LY86: variants seen among roughly 807,000 people sequenced by gnomAD.
LY86 encodes lymphocyte antigen 86.
A neutral mutation model predicts 17.3 loss-of-function variants in LY86; 20 were observed. The ratio of observed to expected loss-of-function variants is 1.15; its 90% confidence interval spans 0.81 to 1.68. The LOEUF is 1.68. Ranked by LOEUF, LY86 falls within the 40% of genes most tolerant of loss-of-function variation. The probability of loss-of-function intolerance (pLI) is 0.00; values close to 1 mark genes in which losing one functional copy is unlikely to be tolerated. For synonymous variants in LY86, 74 were observed against 70.6 expected (o/e 1.05, Z -0.24); for missense variants, 200 against 191.9 (o/e 1.04, Z -0.25).
At chr6:6,645,101 G>C (rs940932756) in intron 3 of LY86, among the ~76,000 whole-genome samples, 4 of 152,020 alleles carry the variant, frequency 2.6e-5, no homozygotes, top group African/African-American at 9.7e-5. Context: ...CAAAATGTTA[G>C]GTATCATTAG....
chr6:6,592,829 T>C (rs1047274330), intron 1 of LY86, among the ~76,000 whole-genome samples: 1 of 152,178 alleles, frequency 6.6e-6, no homozygotes, highest in African/African-American at 2.4e-5. Context: ...CTCTGAGAAA[T>C]CAATGTTGGC....
At chr6:6,643,764 G>A (rs1017874860) in intron 3 of LY86, among the ~76,000 whole-genome samples, 6 of 152,104 alleles carry the variant, frequency 3.9e-5, no homozygotes, top group Non-Finnish European at 8.8e-5. Flanking sequence ...AGGCACACAT[G>A]TGCACACAAA....
rs552434822 is a variant in LY86 at position 6,649,686 on chromosome 6, T to C, written c.405+9T>C. On this transcript the variant is annotated intron_variant, in intron 4 of 4. Transcript: ENST00000230568. The stretch of plus-strand genomic sequence containing the variant: ...AATTTACTATTCCTCAGGTAAGATA[T>C]TACTTACTTCTTGTATTAAATAGTT... The C allele has an allele frequency of 4.0e-6, 6 of 1,507,066 alleles. No homozygotes were observed. The highest frequency in any genetic ancestry group is 1.8e-6 in the Non-Finnish European group (2 of 1,088,324). The allele number at this position is 1,507,066 out of a possible 1,614,324, so 93.4% of individuals were successfully genotyped here.
At chr6:6,626,740 A>T (rs937141383) in intron 3 of LY86, among the ~76,000 whole-genome samples, 1 of 152,094 alleles carries the variant, frequency 6.6e-6, no homozygotes, top group Non-Finnish European at 1.5e-5. Flanking sequence ...CCAAAAATCC[A>T]TTGAGGTTCA....
intron 3 of LY86, among the ~76,000 whole-genome samples, chr6:6,633,832 A>G (rs367992310): frequency 2.6e-5 from 4 of 152,208 alleles, no homozygotes; most frequent in African/African-American, 9.7e-5. Flanking sequence ...GCAGATATCA[A>G]TTGTACACAA....
chr6:6,597,854 G>A (rs551604671), intron 1 of LY86, among the ~76,000 whole-genome samples: 2 of 152,260 alleles, frequency 1.3e-5, no homozygotes, highest in African/African-American at 2.4e-5. Flanking sequence ...GGTTCACAAG[G>A]TCTGCCTGGT....
chr6:6,602,274 A>G (rs1188534899), intron 1 of LY86, among the ~76,000 whole-genome samples: 1 of 152,248 alleles, frequency 6.6e-6, no homozygotes, highest in Non-Finnish European at 1.5e-5. Flanking sequence ...AGTTCATGCC[A>G]GTCCCATCAC....
chr6:6,610,546 G>C (rs188235670), intron 1 of LY86, among the ~76,000 whole-genome samples: 13 of 152,250 alleles, frequency 8.5e-5, no homozygotes, highest in South Asian at 6.2e-4. Context: ...GAAGCTTAGG[G>C]GGGGGCAAGG....
intron 4 of LY86, among the ~76,000 whole-genome samples, chr6:6,651,684 C>A (rs1328006847): frequency 6.6e-6 from 1 of 152,142 alleles, no homozygotes; most frequent in Non-Finnish European, 1.5e-5. Flanking sequence ...TTGTTGGCTT[C>A]TTTTTAAACC....
At chr6:6,643,652 C>A (rs1356145988) in intron 3 of LY86, among the ~76,000 whole-genome samples, 2 of 152,152 alleles carry the variant, frequency 1.3e-5, no homozygotes, top group Non-Finnish European at 2.9e-5. Context: ...CCAGTGTTCT[C>A]ACTACACACA....
rs906807555 is a variant in LY86, at chr6:6,630,658, C to A, written c.352+4237C>A. Among the ~76,000 whole-genome samples, 4 of 152,202 alleles carry A rather than the reference C, an allele frequency of 2.6e-5. No individual in the cohort carries two copies. The South Asian group carries it at 6.2e-4, about 24-fold the overall frequency. The stretch of plus-strand genomic sequence containing the variant: ...CTCAAGAACAACAATGCCGATAGAA[C>A]CCCTGTGTGATCCGGGAGCTTTGGT... On this transcript the variant is annotated intron_variant, in intron 3 of 4. Transcript: ENST00000230568.
At chr6:6,641,692 C>T (rs538973486) in intron 3 of LY86, among the ~76,000 whole-genome samples, 1 of 152,168 alleles carries the variant, frequency 6.6e-6, no homozygotes, top group Non-Finnish European at 1.5e-5. Context: ...AGCCAGGTGG[C>T]TAGGGCCACC....
At chr6:6,617,062 G>C (rs975082017) in intron 1 of LY86, among the ~76,000 whole-genome samples, 1 of 152,214 alleles carries the variant, frequency 6.6e-6, no homozygotes, top group Non-Finnish European at 1.5e-5. Flanking sequence ...GAGCAGACTA[G>C]CATTTATCCA....
chr6:6,620,012 G>T (rs1017411280), intron 1 of LY86, among the ~76,000 whole-genome samples: 3 of 152,116 alleles, frequency 2.0e-5, no homozygotes, highest in Non-Finnish European at 4.4e-5. Flanking sequence ...GAGATTGGAG[G>T]GGGGTCAGCT....
intron 1 of LY86, chr6:6,620,896 T>C (rs1761657788): frequency 6.6e-6 from 1 of 152,294 alleles, no homozygotes; most frequent in Non-Finnish European, 1.5e-5. Context: ...AAACAGATGC[T>C]GCTGGCTGCT....
At chr6:6,593,933 CTTCT>C (rs1318781298) in intron 1 of LY86, among the ~76,000 whole-genome samples, 2 of 152,224 alleles carry the variant, frequency 1.3e-5, no homozygotes, top group African/African-American at 2.4e-5. Context: ...ACAGGTCAGC[CTTCT>C]TTGAGAGTGA....
At chr6:6,602,636 G>T (rs1760945368) in intron 1 of LY86, among the ~76,000 whole-genome samples, 1 of 152,148 alleles carries the variant, frequency 6.6e-6, no homozygotes, top group East Asian at 1.9e-4. Flanking sequence ...AGCCAGCGCA[G>T]GCCACCACTG....
intron 1 of LY86, among the ~76,000 whole-genome samples, chr6:6,589,115 T>A (rs3765286): frequency 6.6e-6 from 1 of 151,912 alleles, no homozygotes; most frequent in African/African-American, 2.4e-5. Flanking sequence ...AAATTGAATC[T>A]AAATATAGCC....
At chr6:6,632,734 C>G (rs1008427703) in intron 3 of LY86, among the ~76,000 whole-genome samples, 1 of 152,158 alleles carries the variant, frequency 6.6e-6, no homozygotes, top group African/African-American at 2.4e-5. Flanking sequence ...TAAGGTCAGC[C>G]TCTAAAATTT....
Sources: gnomAD v4.1 joint callset for allele counts (sites outside exome capture counted in the v4.1 genomes callset) on GRCh38, gnomAD v4.1.1 for gene constraint, MANE v1.5 for transcripts, NCBI Gene and HGNC (gene_info 2026-07-23, HGNC 2026-07-21) for gene names.